CLCN5: variants seen among roughly 807,000 people sequenced by gnomAD.
The protein encoded by CLCN5 is H(+)/Cl(-) exchange transporter 5.
In CLCN5, 17 loss-of-function variants were observed where a neutral mutation model predicts 54.0. That is an observed-to-expected ratio of 0.31 (90% CI 0.22 to 0.47). The LOEUF (loss-of-function observed/expected upper bound fraction) is 0.47, where lower values mean the gene tolerates loss of function less well. Among genes scored for constraint, CLCN5 ranks in the 20% least tolerant of loss-of-function variants. The pLI, the probability that CLCN5 is intolerant of heterozygous loss-of-function variation, is 1.00. For synonymous variants in CLCN5, 222 were observed against 233.0 expected, an observed-to-expected ratio of 0.95 and a Z score of 0.43; for missense variants, 448 against 646.7, an observed-to-expected ratio of 0.69 and a Z score of 3.33.
chrX:50,031,446 A>G (rs782199768), intron 3 of CLCN5, among the ~76,000 whole-genome samples: 37 of 111,785 alleles, frequency 3.3e-4, no homozygotes, highest in Admixed American at 1.5e-3. Flanking sequence ...TTCTCACAGT[A>G]TAGTCTGTGA....
rs190598324 is a variant in CLCN5 at position 49,934,303 on chromosome X, C to G, written c.16+8989C>G. Reference sequence around the variant, plus strand: ...TCACTATGTTAGCTTATGAAATAAACTATAAATTCTTATTATTTAACCAGA... The same window carrying G: ...TCACTATGTTAGCTTATGAAATAAAGTATAAATTCTTATTATTTAACCAGA... On this transcript the variant is annotated intron_variant, in intron 3 of 14. Transcript: ENST00000376091. Among the ~76,000 whole-genome samples, 423 of 111,685 alleles carry G rather than the reference C, an allele frequency of 3.8e-3. 1 individual carries two copies. Among genetic ancestry groups the G allele is most frequent in the Non-Finnish European group, 7.4e-3 (391 of 53,151 alleles).
intron 3 of CLCN5, among the ~76,000 whole-genome samples, chrX:49,958,579 C>A (rs1557174179): frequency 9.0e-6 from 1 of 111,519 alleles, no homozygotes; most frequent in East Asian, 2.8e-4. Flanking sequence ...TTCAGAAATA[C>A]CCCAGCTTTT....
chrX:50,015,594 T>C (rs1292018874), intron 3 of CLCN5, among the ~76,000 whole-genome samples: 7 of 107,627 alleles, frequency 6.5e-5, no homozygotes, highest in Admixed American at 6.1e-4. Flanking sequence ...TCTCTCCATC[T>C]CTCTCTCTCT....
chrX:50,012,114 G>C (rs1930535263), intron 3 of CLCN5, among the ~76,000 whole-genome samples: 1 of 111,440 alleles, frequency 9.0e-6, no homozygotes, highest in South Asian at 3.8e-4. Flanking sequence ...TTTAAGAGAA[G>C]GAACTTCCGT....
At chrX:50,053,545 G>A (rs1160139444) in intron 4 of CLCN5, among the ~76,000 whole-genome samples, 1 of 109,427 alleles carries the variant, frequency 9.1e-6, no homozygotes, top group Non-Finnish European at 1.9e-5. Flanking sequence ...ATTGTCTTTG[G>A]TTTGCTTTAG....
chrX:50,087,502 G>A (rs191865541), intron 11 of CLCN5, among the ~76,000 whole-genome samples: 8 of 111,814 alleles, frequency 7.2e-5, no homozygotes, highest in Admixed American at 2.8e-4. Flanking sequence ...CCATTTCCAC[G>A]TTTCAGAAGA....
At chrX:49,941,802 C>T (rs1410030444) in intron 3 of CLCN5, among the ~76,000 whole-genome samples, 1 of 110,348 alleles carries the variant, frequency 9.1e-6, no homozygotes, top group Admixed American at 9.8e-5. Flanking sequence ...ATTACATAGC[C>T]TTTTCCTTTC....
At chrX:50,082,460 G>A (rs782815577) in intron 9 of CLCN5, among the ~76,000 whole-genome samples, 6 of 109,356 alleles carry the variant, frequency 5.5e-5, no homozygotes, top group African/African-American at 1.0e-4. Flanking sequence ...CTACAGGCAC[G>A]CACCACCAAA....
At chrX:49,961,138 T>A (rs1927576751) in intron 3 of CLCN5, among the ~76,000 whole-genome samples, 1 of 112,309 alleles carries the variant, frequency 8.9e-6, no homozygotes, top group Non-Finnish European at 1.9e-5. Context: ...GGAACAGAGT[T>A]CGATGCTACA....
intron 3 of CLCN5, among the ~76,000 whole-genome samples, chrX:49,991,565 C>G (rs1158634259): frequency 8.9e-6 from 1 of 111,971 alleles, no homozygotes; most frequent in Non-Finnish European, 1.9e-5. Flanking sequence ...TAAGTCCCAT[C>G]TATTTATCTT....
intron 3 of CLCN5, among the ~76,000 whole-genome samples, chrX:50,029,337 G>A (rs150503405): frequency 0.011 from 1,084 of 95,324 alleles, 14 homozygotes; most frequent in African/African-American, 0.04. Context: ...GGTGTGTGAT[G>A]TTCCCCTTCC....
chrX:50,028,413 C>T (rs191561613), intron 3 of CLCN5, among the ~76,000 whole-genome samples: 6 of 111,748 alleles, frequency 5.4e-5, no homozygotes, highest in Non-Finnish European at 1.1e-4. Flanking sequence ...AGTGTGAGGT[C>T]CCCCTAAGAC....
At chrX:49,976,687 T>C (rs1390785367) in intron 3 of CLCN5, among the ~76,000 whole-genome samples, 7 of 112,476 alleles carry the variant, frequency 6.2e-5, no homozygotes, top group Non-Finnish European at 1.1e-4. Context: ...CTCATTATTT[T>C]TGTGTTTTCT....
At chrX:49,961,919 A>G (rs1927615532) in intron 3 of CLCN5, among the ~76,000 whole-genome samples, 2 of 112,005 alleles carry the variant, frequency 1.8e-5, no homozygotes, top group Admixed American at 9.5e-5. Context: ...ATTTTAAGTG[A>G]TTCTCCAGAA....
chrX:50,038,616 A>G (rs1653561443), intron 3 of CLCN5, among the ~76,000 whole-genome samples: 1 of 112,102 alleles, frequency 8.9e-6, no homozygotes, highest in South Asian at 3.8e-4. Flanking sequence ...TAATCCCGGA[A>G]CAGGATCTGT....
At chrX:50,088,201 C>T (rs1414383983) in intron 11 of CLCN5, among the ~76,000 whole-genome samples, 1 of 111,847 alleles carries the variant, frequency 8.9e-6, no homozygotes, top group African/African-American at 3.3e-5. Flanking sequence ...GGTTACTTAA[C>T]CTCTCTGAAC....
At chrX:49,963,159 A>G (rs782175614) in intron 3 of CLCN5, among the ~76,000 whole-genome samples, 24 of 112,334 alleles carry the variant, frequency 2.1e-4, no homozygotes, top group African/African-American at 7.7e-4. Flanking sequence ...TGAACAAGTC[A>G]TGTTAAAACA....
chrX:49,931,833 A>G (rs1925666289), intron 3 of CLCN5, among the ~76,000 whole-genome samples: 1 of 102,820 alleles, frequency 9.7e-6, no homozygotes, highest in Admixed American at 1.1e-4. Flanking sequence ...GGATCACTGG[A>G]CCCCAGGAGA....
chrX:49,987,498 T>G (rs1929040131), intron 3 of CLCN5, among the ~76,000 whole-genome samples: 1 of 111,938 alleles, frequency 8.9e-6, no homozygotes, highest in Admixed American at 9.5e-5. Flanking sequence ...AAAAGTCTAT[T>G]AAATACTGCT....
Sources: gnomAD v4.1 joint callset for allele counts (sites outside exome capture counted in the v4.1 genomes callset) on GRCh38, gnomAD v4.1.1 for gene constraint, MANE v1.5 for transcripts, NCBI Gene and HGNC (gene_info 2026-07-23, HGNC 2026-07-21) for gene names.